CNBD1: variants seen among roughly 807,000 people sequenced by gnomAD.
CNBD1 encodes cyclic nucleotide binding domain containing 1.
In CNBD1, 71 loss-of-function variants were observed where a neutral mutation model predicts 54.4. That is an observed-to-expected ratio of 1.30 (90% CI 1.08 to 1.59). The LOEUF (loss-of-function observed/expected upper bound fraction) is 1.59. Ranked by LOEUF, CNBD1 falls within the 40% of genes most tolerant of loss-of-function variation. CNBD1 has a pLI of 0.00. For missense variants in CNBD1, 659 were observed against 518.0 expected (o/e 1.27, Z -2.64); for synonymous variants, 182 against 170.7 (o/e 1.07, Z -0.51).
chr8:87,008,646 G>A (rs564149568), intron 4 of CNBD1, among the ~76,000 whole-genome samples: 6 of 152,236 alleles, frequency 3.9e-5, no homozygotes, highest in African/African-American at 1.2e-4. Context: ...AAATCATCAG[G>A]GAGTTAGCTT....
chr8:87,008,568 A>T (rs28569094), intron 4 of CNBD1, among the ~76,000 whole-genome samples: 4,496 of 152,276 alleles, frequency 0.03, 226 homozygotes, highest in African/African-American at 0.1. Flanking sequence ...AGTCAAATAT[A>T]TCCTTGCATC....
chr8:87,182,708 G>A lies in CNBD1; in HGVS notation c.432-23285G>A, dbSNP rs568177059. 6.6e-6 allele frequency among the ~76,000 whole-genome samples: 1 copy of A among 151,974 alleles called. No homozygotes were observed. The highest frequency in any genetic ancestry group is 1.5e-5 in the Non-Finnish European group (1 of 67,980). On this transcript the variant is annotated intron_variant, in intron 4 of 10. Coordinates refer to ENST00000518476, the MANE Select transcript of CNBD1 (RefSeq NM_173538.3). The surrounding 1 kb of genome is among the most constrained non-coding windows in gnomAD (Gnocchi z 4.1). The stretch of plus-strand genomic sequence containing the variant: ...GTATGTCTTCTTTTGAGAAGTGTCT[G>A]TTCATGTCTTCTGCCCATTTTTAAA...
At chr8:87,203,380 A>G (rs1222962322) in intron 4 of CNBD1, among the ~76,000 whole-genome samples, 1 of 152,222 alleles carries the variant, frequency 6.6e-6, no homozygotes, top group African/African-American at 2.4e-5. Context: ...TACCTAACAA[A>G]TGCACATACA....
At chr8:87,386,962 TAAGAA>T (rs1257848856), downstream of CNBD1, among the ~76,000 whole-genome samples, 2 of 152,070 alleles carry the variant, frequency 1.3e-5, no homozygotes, top group Admixed American at 6.6e-5. Flanking sequence ...TCAACATTCT[TAAGAA>T]AAGAATTTTC....
chr8:87,286,402 A>G, intron 7 of CNBD1, 137 bp from the exon 8 acceptor site: 3 of 564,598 alleles, frequency 5.3e-6, no homozygotes, highest in Non-Finnish European at 9.3e-6. Context: ...TGATGCTCAG[A>G]TAAAATTCAA....
chr8:87,093,051 A>G (rs1209337509), intron 4 of CNBD1, among the ~76,000 whole-genome samples: 1 of 152,154 alleles, frequency 6.6e-6, no homozygotes, highest in African/African-American at 2.4e-5. Context: ...AAGGATTTTT[A>G]ATGTATGAAT....
chr8:87,266,052 A>T (rs989672052), intron 6 of CNBD1, among the ~76,000 whole-genome samples: 14 of 152,228 alleles, frequency 9.2e-5, no homozygotes, highest in Admixed American at 2.0e-4. Flanking sequence ...CTTTTGGAAG[A>T]ACATTATACA....
chr8:86,885,583 A>G (rs1350893995), intron 1 of CNBD1, among the ~76,000 whole-genome samples: 2 of 152,224 alleles, frequency 1.3e-5, no homozygotes, highest in Non-Finnish European at 2.9e-5. Flanking sequence ...AAATTTGATC[A>G]CAAGAAAAGC....
rs572407760 is a variant in CNBD1 at position 87,129,806 on chromosome 8, T to G, written c.432-76187T>G. On this transcript the variant is annotated intron_variant, in intron 4 of 10. Coordinates refer to ENST00000518476, the MANE Select transcript of CNBD1 (RefSeq NM_173538.3). ...TTTTGTTTTTTTGACCCATGGATATTTTGTGAAAGTGTTATTGTATTAGTC... is the reference window on the plus strand; with the variant it reads ...TTTTGTTTTTTTGACCCATGGATATGTTGTGAAAGTGTTATTGTATTAGTC... 4.6e-5 allele frequency among the ~76,000 whole-genome samples: 7 copies of G among 152,296 alleles called. No homozygotes were observed. The East Asian group carries it at 1.4e-3, about 29-fold the overall frequency.
chr8:87,296,930 C>T (rs1211555048), intron 8 of CNBD1, among the ~76,000 whole-genome samples: 4 of 151,912 alleles, frequency 2.6e-5, no homozygotes, highest in Non-Finnish European at 4.4e-5. Flanking sequence ...AATCCTAGCA[C>T]TTTGGGAGGC....
chr8:87,006,944 C>T (rs1014461837), intron 4 of CNBD1, among the ~76,000 whole-genome samples: 1 of 152,222 alleles, frequency 6.6e-6, no homozygotes, highest in African/African-American at 2.4e-5. Flanking sequence ...CGCCTGTAAT[C>T]CCAGGACTTT....
intron 10 of CNBD1, among the ~76,000 whole-genome samples, chr8:87,354,627 A>G (rs975622566): frequency 2.0e-5 from 3 of 151,618 alleles, no homozygotes; most frequent in African/African-American, 4.9e-5. Flanking sequence ...TCATTGTTCA[A>G]TTCCCACCTA....
At chr8:86,937,309 C>G (rs750617187) in intron 3 of CNBD1, among the ~76,000 whole-genome samples, 1 of 152,178 alleles carries the variant, frequency 6.6e-6, no homozygotes, top group Non-Finnish European at 1.5e-5. Flanking sequence ...TCCCACAACA[C>G]GTGGGAATTA....
intron 10 of CNBD1, among the ~76,000 whole-genome samples, chr8:87,372,326 A>G (rs1369183664): frequency 2.0e-5 from 3 of 151,998 alleles, no homozygotes; most frequent in Admixed American, 6.6e-5. Flanking sequence ...TGTTGTAGAT[A>G]TCTTTTAGTT....
chr8:87,349,855 T>C (rs972713076), intron 8 of CNBD1, among the ~76,000 whole-genome samples: 12 of 152,180 alleles, frequency 7.9e-5, no homozygotes, highest in Non-Finnish European at 1.8e-4. Context: ...TTTGCAACAA[T>C]GGTTTGGGTT....
intron 4 of CNBD1, among the ~76,000 whole-genome samples, chr8:87,138,001 T>G (rs946371851): frequency 9.2e-5 from 14 of 152,176 alleles, no homozygotes; most frequent in Non-Finnish European, 7.3e-5. Context: ...TATTTCAAAT[T>G]TAACCTCATT....
At chr8:87,029,324 G>A (rs951618428) in intron 4 of CNBD1, among the ~76,000 whole-genome samples, 8 of 152,124 alleles carry the variant, frequency 5.3e-5, no homozygotes, top group African/African-American at 7.2e-5. Context: ...AAACAACAAA[G>A]GAATCACAGT....
intron 4 of CNBD1, among the ~76,000 whole-genome samples, chr8:86,962,858 T>G (rs1563839079): frequency 6.6e-6 from 1 of 152,076 alleles, no homozygotes; most frequent in African/African-American, 2.4e-5. Context: ...ACCCTTTTGC[T>G]GGCATGTCAG....
intron 4 of CNBD1, among the ~76,000 whole-genome samples, chr8:87,127,343 T>C (rs1027621566): frequency 5.3e-5 from 8 of 152,106 alleles, no homozygotes; most frequent in African/African-American, 1.9e-4. Flanking sequence ...GTCAGCAATG[T>C]TTTTAGTTTT....
Sources: gnomAD v4.1 joint callset for allele counts (sites outside exome capture counted in the v4.1 genomes callset) on GRCh38, gnomAD v4.1.1 for gene constraint, Gnocchi (gnomAD v3.1) non-coding constraint, MANE v1.5 for transcripts, NCBI Gene and HGNC (gene_info 2026-07-23, HGNC 2026-07-21) for gene names.